The following SPNS2 variants were observed in gnomAD, a reference collection of about 807,000 sequenced individuals.
SPNS2 encodes the protein sphingosine-1-phosphate transporter SPNS2.
Under a neutral mutation model 57.6 loss-of-function variants are expected in SPNS2, and 37 were observed. That is an observed-to-expected ratio of 0.64 (90% CI 0.49 to 0.85). SPNS2 has a LOEUF of 0.85. Ranked by LOEUF, SPNS2 falls within the 40% of genes least tolerant of loss-of-function variation. The probability of loss-of-function intolerance (pLI) is 0.00; values close to 1 mark genes in which losing one functional copy is unlikely to be tolerated. For missense variants in SPNS2, 831 were observed against 779.1 expected (o/e 1.07, Z -0.79); for synonymous variants, 440 against 346.9 (o/e 1.27, Z -2.98).
rs1327156364 is a variant in SPNS2, at chr17:4,518,320, C to G, written c.436+5008C>G. On this transcript the variant is annotated intron_variant, in intron 2 of 12. Transcript: ENST00000329078. ...CGGGTGGATCACGAGGTCAGGAGATCGAGACCATCCTGGCTAACATGGTGA... is the reference window on the plus strand; with the variant it reads ...CGGGTGGATCACGAGGTCAGGAGATGGAGACCATCCTGGCTAACATGGTGA... Among the ~76,000 whole-genome samples the G allele has an allele frequency of 3.9e-5, 6 of 152,054 alleles. No homozygotes were observed. In the South Asian group the frequency reaches 8.3e-4, roughly 21 times the overall value.
chr17:4,518,874 A>G (rs550571272), intron 2 of SPNS2, among the ~76,000 whole-genome samples: 1 of 152,266 alleles, frequency 6.6e-6, no homozygotes, highest in African/African-American at 2.4e-5. Context: ...CCTCCTTTTC[A>G]AGGAGTGGCC....
Position 4,538,934 on chromosome 17 carries a change from G to A in SPNS2, c.*1486G>A, listed in dbSNP as rs1555538752. The A allele has an allele frequency of 2.6e-6, 2 of 783,014 alleles. No individual in the cohort carries two copies. The highest frequency in any genetic ancestry group is 4.8e-6 in the Non-Finnish European group (2 of 420,038). The allele number at this position is 783,014 out of a possible 1,614,324, so 48.5% of individuals were successfully genotyped here. A position where few individuals can be genotyped will look rare whatever the true frequency, so the allele number is the denominator to read the frequency against. On this transcript the variant is annotated 3_prime_UTR_variant, in exon 13 of 13. Coordinates refer to ENST00000329078, the MANE Select transcript of SPNS2 (RefSeq NM_001124758.3). ...TCCTCTTCCTTCCGGAAGCCAAACT[G>A]CTCCTTTATTTTTTAGAGCTGCTGA... is the stretch of plus-strand genomic sequence containing the variant.
chr17:4,518,339 A>G (rs1396450351), intron 2 of SPNS2, among the ~76,000 whole-genome samples: 1 of 152,186 alleles, frequency 6.6e-6, no homozygotes, highest in Non-Finnish European at 1.5e-5. Context: ...CCTGGCTAAC[A>G]TGGTGAAACC....
At chr17:4,523,431 A>T (rs574651817) in intron 2 of SPNS2, among the ~76,000 whole-genome samples, 5 of 152,030 alleles carry the variant, frequency 3.3e-5, no homozygotes. Context: ...ACGGAGCAAG[A>T]CACTGTCTCA....
chr17:4,536,154 A>G lies in SPNS2; in HGVS notation c.1423A>G (p.Ser475Gly), dbSNP rs750922346. The change falls in exon 10 of 13, where the codon AGC (serine) becomes GGC (glycine). Residue 475 changes from serine to glycine, a missense_variant. Transcript: ENST00000329078. ...FTSHLLGDAG[S>G]PYLIGFISDL... is the part of the protein sequence containing the mutation. ...CTCCCACCTGCTGGGGGACGCCGGGAGCCCCTACCTCATTGGCTTTGTGAG... is the reference window on the plus strand; with the variant it reads ...CTCCCACCTGCTGGGGGACGCCGGGGGCCCCTACCTCATTGGCTTTGTGAG... 1.2e-6 allele frequency: 2 copies of G among 1,612,134 alleles called. No individual in the cohort carries two copies. Among genetic ancestry groups the G allele is most frequent in the South Asian group, 1.1e-5 (1 of 91,066 alleles).
intron 2 of SPNS2, 140 bp from the exon 3 acceptor site, chr17:4,524,917 G>T: frequency 8.1e-7 from 1 of 1,233,338 alleles, no homozygotes. Context: ...TGGGGTGCAG[G>T]TCGGGCCGAG....
intron 4 of SPNS2, 119 bp from the exon 5 acceptor site, chr17:4,530,934 C>A: frequency 6.8e-7 from 1 of 1,476,912 alleles, no homozygotes. Context: ...TCTCCTGGAC[C>A]TGCTCCCTGG....
At chr17:4,520,001 G>GA (rs1905099194) in intron 2 of SPNS2, among the ~76,000 whole-genome samples, 2 of 152,240 alleles carry the variant, frequency 1.3e-5, no homozygotes, top group African/African-American at 4.8e-5. Flanking sequence ...GGGCAGCAGT[G>GA]ATGGATCCCA....
chr17:4,516,336 A>AGC (rs1904991318), intron 2 of SPNS2, among the ~76,000 whole-genome samples: 1 of 126,668 alleles, frequency 7.9e-6, no homozygotes, highest in Admixed American at 8.5e-5. Flanking sequence ...AAAAAAAAAA[A>AGC]AAAAAAACAA....
intron 9 of SPNS2, 58 bp from the exon 10 acceptor site, chr17:4,536,007 GGCCCGGGGCCA>G: frequency 7.2e-7 from 1 of 1,388,882 alleles, no homozygotes; most frequent in Non-Finnish European, 9.9e-7. Flanking sequence ...GAAGTGCCAC[GGCCCGGGGCCA>G]GGGCCAAGCG....
At chr17:4,525,907 G>C (rs1307277931) in intron 3 of SPNS2, among the ~76,000 whole-genome samples, 1 of 152,210 alleles carries the variant, frequency 6.6e-6, no homozygotes, top group East Asian at 1.9e-4. Flanking sequence ...TGAGACTGTT[G>C]CCTTGTGAGG....
chr17:4,517,295 A>T (rs1459016278), intron 2 of SPNS2, among the ~76,000 whole-genome samples: 1 of 151,922 alleles, frequency 6.6e-6, no homozygotes, highest in East Asian at 1.9e-4. Flanking sequence ...TTCCTTAGGG[A>T]ATTCTTCATG....
chr17:4,530,981 T>G (rs1905441452), intron 4 of SPNS2, 72 bp from the exon 5 acceptor site: 1 of 1,571,666 alleles, frequency 6.4e-7, no homozygotes, highest in African/African-American at 1.4e-5. Flanking sequence ...CAGCCTGCCT[T>G]GCAGACCAGC....
chr17:4,537,284 C>T (rs1372086932), intron 12 of SPNS2, among the ~76,000 whole-genome samples, 169 bp from the exon 13 acceptor site: 1 of 152,244 alleles, frequency 6.6e-6, no homozygotes, highest in Non-Finnish European at 1.5e-5. Context: ...GACTCCTTGG[C>T]CCTTCCCTCT....
intron 3 of SPNS2, among the ~76,000 whole-genome samples, 165 bp from the exon 4 acceptor site, chr17:4,530,467 G>A (rs1249245205): frequency 6.6e-6 from 1 of 152,150 alleles, no homozygotes; most frequent in Non-Finnish European, 1.5e-5. Flanking sequence ...GAGGCCCGGA[G>A]TGGCTGGGGG....
intron 2 of SPNS2, among the ~76,000 whole-genome samples, chr17:4,523,383 A>C (rs1410098451): frequency 6.6e-6 from 1 of 152,218 alleles, no homozygotes; most frequent in African/African-American, 2.4e-5. Flanking sequence ...GGTTGCAGTG[A>C]GCGGAAATCG....
intron 2 of SPNS2, 32 bp from the exon 3 acceptor site, chr17:4,525,025 G>A (rs1419307737): frequency 2.5e-6 from 4 of 1,607,548 alleles, no homozygotes; most frequent in South Asian, 1.1e-5. Context: ...GCAGGGACCT[G>A]GGCCCCCCCT....
intron 2 of SPNS2, among the ~76,000 whole-genome samples, chr17:4,515,323 G>T (rs1347225253): frequency 1.3e-5 from 2 of 152,188 alleles, no homozygotes; most frequent in African/African-American, 2.4e-5. Flanking sequence ...AGGGACAAAG[G>T]CCCAAGACAG....
At position 4,530,679 on chromosome 17, in the gene SPNS2, G is replaced by A; in HGVS notation, c.621G>A (p.Glu207=). The A allele has an allele frequency of 6.2e-7, 1 of 1,613,764 alleles. No homozygotes were observed. The highest frequency in any genetic ancestry group is 8.5e-7 in the Non-Finnish European group (1 of 1,179,890). The change falls in exon 4 of 13, where the codon GAG becomes GAA. Residue 207 remains glutamate, a synonymous_variant. Transcript: ENST00000329078. ...CCCGGGGGCTGGTGGGCATCGGGGA[G>A]GCCAGCTACTCCACCATCGCCCCCA... The part of the protein sequence containing the change: ...VLSRGLVGIG[E]ASYSTIAPTI...
Sources: allele counts gnomAD v4.1 joint callset (sites outside exome capture counted in the v4.1 genomes callset), GRCh38; gene constraint gnomAD v4.1.1; transcripts MANE v1.5; gene names NCBI Gene and HGNC (gene_info 2026-07-23, HGNC 2026-07-21).